The following RUNDC3B variants were observed in gnomAD, a reference collection of about 807,000 sequenced individuals.
RUNDC3B encodes the protein RUN domain-containing protein 3B.
A neutral mutation model predicts 58.4 loss-of-function variants in RUNDC3B; 33 were observed. The ratio of observed to expected loss-of-function variants is 0.56; its 90% confidence interval spans 0.43 to 0.75. RUNDC3B has a LOEUF of 0.75. RUNDC3B is among the 30% of genes least tolerant of loss of function. RUNDC3B has a pLI of 0.00. For missense variants in RUNDC3B, 501 were observed against 535.7 expected, an observed-to-expected ratio of 0.94 and a Z score of 0.64; for synonymous variants, 193 against 195.2, an observed-to-expected ratio of 0.99 and a Z score of 0.10.
intron 6 of RUNDC3B, among the ~76,000 whole-genome samples, chr7:87,759,953 T>G (rs1348941243): frequency 6.6e-6 from 1 of 152,038 alleles, no homozygotes; most frequent in African/African-American, 2.4e-5. Flanking sequence ...ATTTAAAAGT[T>G]CAAATCGCTG....
chr7:87,705,108 A>T (rs1018614303), intron 3 of RUNDC3B, among the ~76,000 whole-genome samples: 1 of 152,132 alleles, frequency 6.6e-6, no homozygotes, highest in African/African-American at 2.4e-5. Context: ...GTCACCATGG[A>T]CAATCTCATA....
chr7:87,660,264 C>T (rs1339875007), intron 2 of RUNDC3B, among the ~76,000 whole-genome samples: 1 of 152,030 alleles, frequency 6.6e-6, no homozygotes, highest in Non-Finnish European at 1.5e-5. Flanking sequence ...ACATGCACTT[C>T]AACTACTAAT....
At chr7:87,634,806 G>A (rs1821600079) in intron 1 of RUNDC3B, among the ~76,000 whole-genome samples, 1 of 152,128 alleles carries the variant, frequency 6.6e-6, no homozygotes, top group Non-Finnish European at 1.5e-5. Context: ...TTGAGTTTGA[G>A]TTTGGATTCA....
In RUNDC3B at chr7:87,726,656, G is replaced by A. The variant is rs1315407431; in HGVS notation, c.459-13135G>A. ...AGTCATTGGTAGCTTGATGGGGATG[G>A]CATTGAATCTATAAATTACCTTGGG... On this transcript the variant is annotated intron_variant, in intron 4 of 10. Coordinates refer to ENST00000394654, the MANE Select transcript of RUNDC3B (RefSeq NM_001134405.2). Among the ~76,000 whole-genome samples, 3 of 152,070 alleles carry A rather than the reference G, an allele frequency of 2.0e-5. No homozygotes were observed. The East Asian group carries it at 5.8e-4, about 29-fold the overall frequency.
At chr7:87,791,251 A>G (rs567756198) in intron 8 of RUNDC3B, among the ~76,000 whole-genome samples, 1 of 152,254 alleles carries the variant, frequency 6.6e-6, no homozygotes, top group South Asian at 2.1e-4. Flanking sequence ...TCCTTCAAAC[A>G]TGAAGGAGAA....
At chr7:87,664,185 G>T (rs1824999877) in intron 2 of RUNDC3B, among the ~76,000 whole-genome samples, 1 of 151,984 alleles carries the variant, frequency 6.6e-6, no homozygotes, top group Non-Finnish European at 1.5e-5. Context: ...GGGTAGCCAG[G>T]CATGGTGGCA....
chr7:87,785,417 G>A (rs979583940), intron 8 of RUNDC3B, among the ~76,000 whole-genome samples: 2 of 152,176 alleles, frequency 1.3e-5, no homozygotes, highest in Non-Finnish European at 2.9e-5. Context: ...ACAGATCCCA[G>A]TTCTGGAACC....
intron 7 of RUNDC3B, among the ~76,000 whole-genome samples, chr7:87,771,531 A>G (rs897837279): frequency 2.0e-5 from 3 of 152,228 alleles, no homozygotes; most frequent in African/African-American, 7.2e-5. Context: ...CTACATTGCA[A>G]AAATATGAAA....
chr7:87,703,612 T>G (rs1352048607), intron 3 of RUNDC3B, among the ~76,000 whole-genome samples: 2 of 152,126 alleles, frequency 1.3e-5, no homozygotes, highest in East Asian at 3.8e-4. Context: ...TTCTTCTCTG[T>G]CTCACGTATT....
At chr7:87,719,802 C>G (rs1023915933) in intron 4 of RUNDC3B, among the ~76,000 whole-genome samples, 5 of 151,450 alleles carry the variant, frequency 3.3e-5, no homozygotes, top group African/African-American at 9.7e-5. Context: ...AATTAAATCC[C>G]TTCTCACATT....
chr7:87,823,443 A>T (rs1837610503), intron 10 of RUNDC3B, among the ~76,000 whole-genome samples: 1 of 150,994 alleles, frequency 6.6e-6, no homozygotes, highest in African/African-American at 2.4e-5. Flanking sequence ...TCCATAAGTT[A>T]TTGGGAAATA....
chr7:87,706,177 A>G (rs1829570416), intron 3 of RUNDC3B, among the ~76,000 whole-genome samples: 1 of 152,224 alleles, frequency 6.6e-6, no homozygotes, highest in African/African-American at 2.4e-5. Context: ...TCCATCCAAT[A>G]AATTTGCTGT....
intron 4 of RUNDC3B, among the ~76,000 whole-genome samples, chr7:87,716,938 G>A (rs549834463): frequency 1.5e-4 from 23 of 152,172 alleles, no homozygotes; most frequent in Non-Finnish European, 2.6e-4. Context: ...TCAGGCTCAA[G>A]CCATCTTTCC....
chr7:87,708,342 A>G (rs796697971), intron 3 of RUNDC3B, among the ~76,000 whole-genome samples: 10 of 152,244 alleles, frequency 6.6e-5, no homozygotes, highest in African/African-American at 2.4e-4. Context: ...TAAAAATCCT[A>G]AAAGAGGATA....
At position 87,773,031 on chromosome 7, in the gene RUNDC3B, A is replaced by T. The variant is rs192305904; in HGVS notation, c.798+2282A>T. On this transcript the variant is annotated intron_variant, in intron 7 of 10. Transcript: ENST00000394654. ...AAAGACATTGCTTTTTTTAAAAAGT[A>T]AGCATTCACCAGCCGGGCCTGGCGA... Among the ~76,000 whole-genome samples the T allele has an allele frequency of 3.8e-4, 57 of 151,058 alleles. No individual in the cohort carries two copies. In the East Asian group the frequency reaches 0.011, roughly 28 times the overall value.
chr7:87,733,144 G>A (rs912278929), intron 4 of RUNDC3B, among the ~76,000 whole-genome samples: 2 of 152,106 alleles, frequency 1.3e-5, no homozygotes, highest in East Asian at 1.9e-4. Flanking sequence ...CCCCCCATGC[G>A]TCTGTTTATA....
chr7:87,816,490 G>C (rs2130951286), intron 10 of RUNDC3B, among the ~76,000 whole-genome samples: 1 of 152,016 alleles, frequency 6.6e-6, no homozygotes, highest in African/African-American at 2.4e-5. Flanking sequence ...CTCACTTCCT[G>C]TACTTTTTTT....
chr7:87,729,503 T>A (rs557691677), intron 4 of RUNDC3B, among the ~76,000 whole-genome samples: 1 of 152,288 alleles, frequency 6.6e-6, no homozygotes, highest in African/African-American at 2.4e-5. Flanking sequence ...ACACAGGGCA[T>A]AACTCAGCCA....
intron 7 of RUNDC3B, among the ~76,000 whole-genome samples, chr7:87,776,463 A>G (rs1208236028): frequency 6.6e-6 from 1 of 152,086 alleles, no homozygotes; most frequent in Non-Finnish European, 1.5e-5. Flanking sequence ...AAACTAAACA[A>G]CGTATTGTTT....
Sources: allele counts gnomAD v4.1 joint callset (sites outside exome capture counted in the v4.1 genomes callset), GRCh38; gene constraint gnomAD v4.1.1; transcripts MANE v1.5; gene names NCBI Gene and HGNC (gene_info 2026-07-23, HGNC 2026-07-21).